Variants in GPR35 observed in about 807,000 individuals in gnomAD.
GPR35 encodes G protein-coupled receptor 35, also known as KYNA receptor.
For missense variants in GPR35, 372 were observed against 422.5 expected (o/e 0.88, Z 1.05); for synonymous variants, 207 against 198.4 (o/e 1.04, Z -0.36).
rs553416235 is a variant in GPR35, at chr2:240,611,827, CTGTT to C, written c.-576-4560_-576-4557del. Among the ~76,000 whole-genome samples, 18 of 152,250 alleles carry C rather than the reference CTGTT, an allele frequency of 1.2e-4. 1 individual carries two copies. In the East Asian group the frequency reaches 3.1e-3, roughly 26 times the overall value. Reference sequence around the variant, plus strand: ...CTAGGGGTGAAGGGCAGAGGGGTGACTGTTGAATGAATGGGAACAAGGTAGTCTG... The same window carrying C: ...CTAGGGGTGAAGGGCAGAGGGGTGACGAATGAATGGGAACAAGGTAGTCTG... On this transcript the variant is annotated intron_variant, in intron 2 of 5. Transcript: ENST00000319838.
intron 2 of GPR35, among the ~76,000 whole-genome samples, chr2:240,613,598 A>G (rs756037593): frequency 1.3e-5 from 2 of 152,118 alleles, no homozygotes; most frequent in Non-Finnish European, 2.9e-5. Flanking sequence ...AAATTCAGGC[A>G]GAACCGAACC....
Position 240,632,643 on chromosome 2 carries a change from A to T in GPR35, c.*1761A>T, listed in dbSNP as rs2043462029. 6.6e-6 allele frequency among the ~76,000 whole-genome samples: 1 copy of T among 150,806 alleles called. No individual in the cohort carries two copies. The highest frequency in any genetic ancestry group is 1.5e-5 in the Non-Finnish European group (1 of 67,730). On this transcript the variant is annotated 3_prime_UTR_variant, in exon 2 of 2. Coordinates refer to ENST00000407714, the MANE Select transcript of GPR35 (RefSeq NM_005301.5). Reference sequence around the variant, plus strand: ...CCTGTGCCCAGGAAGGACCATGTCAAGGAGAACCCCATGCCCATGAGGGTC... The same window carrying T: ...CCTGTGCCCAGGAAGGACCATGTCATGGAGAACCCCATGCCCATGAGGGTC...
intron 2 of GPR35, among the ~76,000 whole-genome samples, chr2:240,613,525 C>G (rs2043206582): frequency 6.6e-6 from 1 of 152,014 alleles, no homozygotes; most frequent in African/African-American, 2.4e-5. Context: ...CAAATCCTAA[C>G]CATAACCCTA....
intron 2 of GPR35, among the ~76,000 whole-genome samples, chr2:240,615,898 G>A (rs561140201): frequency 4.0e-4 from 61 of 152,318 alleles, no homozygotes; most frequent in African/African-American, 1.1e-3. Context: ...CACCTTATAC[G>A]TTTTTAAAAA....
At position 240,630,084 on chromosome 2, in the gene GPR35, G is replaced by A. The variant is rs762856000; in HGVS notation, c.132G>A (p.Val44=). The A allele has an allele frequency of 1.9e-6, 3 of 1,610,772 alleles. No individual in the cohort carries two copies. Among genetic ancestry groups the A allele is most frequent in the African/African-American group, 2.7e-5 (2 of 74,952 alleles). The change falls in exon 2 of 2, where the codon GTG becomes GTA. Residue 44 remains valine, a synonymous_variant. Coordinates refer to ENST00000407714, the MANE Select transcript of GPR35 (RefSeq NM_005301.5). ...TGCTCAACAGCCTGGCGCTCTGGGT[G>A]TTCTGCTGCCGCATGCAGCAGTGGA... ...GLLLNSLALW[V]FCCRMQQWTE... is the part of the protein sequence containing the mutation.
At chr2:240,619,111 C>T (rs2043266660) in intron 5 of GPR35, 1 of 664,344 alleles carries the variant, frequency 1.5e-6, no homozygotes, top group Non-Finnish European at 2.8e-6. Flanking sequence ...TTGCCAAATC[C>T]ACCTGCCTGG....
At chr2:240,610,158 C>T (rs2043168734) in intron 2 of GPR35, among the ~76,000 whole-genome samples, 1 of 152,136 alleles carries the variant, frequency 6.6e-6, no homozygotes, top group African/African-American at 2.4e-5. Flanking sequence ...CGGGGTTTCA[C>T]CATCTTGGCC....
chr2:240,620,073 G>T (rs1333527783), intron 5 of GPR35, among the ~76,000 whole-genome samples: 2 of 152,190 alleles, frequency 1.3e-5, no homozygotes, highest in Non-Finnish European at 2.9e-5. Flanking sequence ...TGCTGTCCAG[G>T]GCCAAGAAAA....
chr2:240,613,067 G>A (rs1219774872), intron 2 of GPR35, among the ~76,000 whole-genome samples: 2 of 152,256 alleles, frequency 1.3e-5, no homozygotes, highest in Non-Finnish European at 2.9e-5. Context: ...AGCTGTGGCA[G>A]ACCTTCAGTA....
In GPR35 at chr2:240,629,978, G is replaced by C; in HGVS notation, c.26G>C (p.Gly9Ala). MNGTYNTCGSSDLTWPPAI... is the reference protein window; with the variant it reads MNGTYNTCASSDLTWPPAI... ...ATGAATGGCACCTACAACACCTGTG[G>C]CTCCAGCGACCTCACCTGGCCCCCA... The change falls in exon 2 of 2, where the codon GGC becomes GCC. Residue 9 changes from glycine (G) to alanine (A), a missense_variant. Coordinates refer to ENST00000407714, the MANE Select transcript of GPR35 (RefSeq NM_005301.5). 1 of 1,607,894 alleles carries C rather than the reference G, an allele frequency of 6.2e-7. No homozygotes were observed. Among genetic ancestry groups the C allele is most frequent in the Non-Finnish European group, 8.5e-7 (1 of 1,175,862 alleles).
In GPR35 at chr2:240,630,879, C is replaced by T. The variant is rs1346457708; in HGVS notation, c.927C>T (p.Ala309=). The T allele has an allele frequency of 6.2e-7, 1 of 1,608,712 alleles. No individual in the cohort carries two copies. Among genetic ancestry groups the T allele is most frequent in the Non-Finnish European group, 8.5e-7 (1 of 1,176,708 alleles). Residue 309 remains alanine (A), a synonymous_variant, in exon 2 of 2, where the codon GCC becomes GCT. Transcript: ENST00000407714. ...AGGACTCTCTGTGCGTGACCCTCGC[C>T]TAAGAGGCGTGCTGTGGGCGCTGTG... ...KSQDSLCVTL[A] is the part of the protein sequence containing the mutation.
chr2:240,630,448 A>G lies in GPR35; in HGVS notation c.496A>G (p.Thr166Ala). The change falls in exon 2 of 2, where the codon ACC (threonine) becomes GCC (alanine). Residue 166 changes from threonine (T) to alanine (A), a missense_variant. Physicochemically the swap from Thr to Ala is moderately conservative, Grantham distance 58. Transcript: ENST00000407714. ...GGAGGGCGGCTTCTGCTTCAGGAGC[A>G]CCCGGCACAATTTCAACTCCATGGC... ...IQEGGFCFRSTRHNFNSMAFP... is the reference protein window; with the variant it reads ...IQEGGFCFRSARHNFNSMAFP... The G allele has an allele frequency of 1.2e-6, 2 of 1,612,592 alleles. No homozygotes were observed. The highest frequency in any genetic ancestry group is 1.7e-6 in the Non-Finnish European group (2 of 1,179,912).
Position 240,630,213 on chromosome 2 carries a change from G to C in GPR35, c.261G>C (p.Pro87=). Residue 87 remains proline (P), a synonymous_variant, in exon 2 of 2, where the codon CCG becomes CCC. Transcript: ENST00000407714. ...LHSLRDTSDT[P]LCQLSQGIYL... is the part of the protein sequence containing the mutation. Reference sequence around the variant, plus strand: ...CCCTGCGAGACACCTCAGACACGCCGCTGTGCCAGCTCTCCCAGGGCATCT... The same window carrying C: ...CCCTGCGAGACACCTCAGACACGCCCCTGTGCCAGCTCTCCCAGGGCATCT... 1 of 1,571,684 alleles carries C rather than the reference G, an allele frequency of 6.4e-7. No individual in the cohort carries two copies. The highest frequency in any genetic ancestry group is 8.6e-7 in the Non-Finnish European group (1 of 1,160,758).
rs962091669 is a variant in GPR35, at chr2:240,631,830, A to G, written c.*948A>G. On this transcript the variant is annotated 3_prime_UTR_variant, in exon 2 of 2. Coordinates refer to ENST00000407714, the MANE Select transcript of GPR35 (RefSeq NM_005301.5). Reference sequence around the variant, plus strand: ...TGTGGGCCAGCACGGCCTGGGCTCAAACCCCATCCTGTCATCCCATATTGC... The same window carrying G: ...TGTGGGCCAGCACGGCCTGGGCTCAGACCCCATCCTGTCATCCCATATTGC... Among the ~76,000 whole-genome samples, 9 of 152,204 alleles carry G rather than the reference A, an allele frequency of 5.9e-5. No homozygotes were observed. Among genetic ancestry groups the G allele is most frequent in the East Asian group, 1.9e-4 (1 of 5,194 alleles).
chr2:240,609,540 A>T (rs1168115682), intron 2 of GPR35, among the ~76,000 whole-genome samples: 1 of 152,144 alleles, frequency 6.6e-6, no homozygotes. Context: ...CCTTGTTGCT[A>T]TTGATTTCTA....
chr2:240,630,905 G>T lies in GPR35; in HGVS notation c.*23G>T, dbSNP rs1266315935. ...TAAGAGGCGTGCTGTGGGCGCTGTG[G>T]GCCAGGTCTCGGGGGCTCCGGGAGG... On this transcript the variant is annotated 3_prime_UTR_variant, in exon 2 of 2. Transcript: ENST00000407714. 4.5e-5 allele frequency: 72 copies of T among 1,593,554 alleles called. No individual in the cohort carries two copies. Among genetic ancestry groups the T allele is most frequent in the Non-Finnish European group, 5.8e-5 (68 of 1,165,950 alleles).
upstream of GPR35, among the ~76,000 whole-genome samples, chr2:240,622,402 C>T (rs1279657908): frequency 1.3e-5 from 2 of 152,186 alleles, no homozygotes; most frequent in African/African-American, 4.8e-5. Context: ...GCTTCCCTGA[C>T]ATCGCCTCAC....
At chr2:240,621,100 G>T (rs745568593), upstream of GPR35, among the ~76,000 whole-genome samples, 1 of 152,206 alleles carries the variant, frequency 6.6e-6, no homozygotes, top group African/African-American at 2.4e-5. Flanking sequence ...CTCTCTCGGG[G>T]TCCACAACTG....
chr2:240,622,699 G>GA (rs2043309665), upstream of GPR35, among the ~76,000 whole-genome samples: 1 of 152,254 alleles, frequency 6.6e-6, no homozygotes, highest in Non-Finnish European at 1.5e-5. Context: ...GAAGCAGGAG[G>GA]AGGGGCAGGA....
Sources: gnomAD v4.1 joint callset for allele counts (sites outside exome capture counted in the v4.1 genomes callset) on GRCh38, gnomAD v4.1.1 for gene constraint, MANE v1.5 for transcripts, NCBI Gene and HGNC (gene_info 2026-07-23, HGNC 2026-07-21) for gene names.